DGKH: variants seen among roughly 807,000 people sequenced by gnomAD.
DGKH encodes the protein diacylglycerol kinase eta.
Under a neutral mutation model 159.3 loss-of-function variants are expected in DGKH, and 90 were observed. The observed-to-expected ratio is 0.57, with a 90% CI of 0.48 to 0.67. DGKH has a LOEUF of 0.67. Ranked by LOEUF, DGKH falls within the 30% of genes least tolerant of loss-of-function variation. The pLI, the probability that DGKH is intolerant of heterozygous loss-of-function variation, is 0.00. For missense variants in DGKH, 1,181 were observed against 1,506.1 expected (o/e 0.78, Z 3.57); for synonymous variants, 536 against 553.8 (o/e 0.97, Z 0.45).
chr13:42,147,733 G>A (rs1156628992), intron 3 of DGKH, among the ~76,000 whole-genome samples: 2 of 152,124 alleles, frequency 1.3e-5, no homozygotes, highest in South Asian at 2.1e-4. Flanking sequence ...AAGTCACTGT[G>A]ATCCCTGTAA....
Position 42,250,284 on chromosome 13 carries a change from T to TA in DGKH, n.4055-2113dup, listed in dbSNP as rs35902487. On this transcript the variant is annotated intron_variant and non_coding_transcript_variant, in intron 29 of 30. Coordinates refer to the DGKH transcript ENST00000498255. ...ACGACCGGCCACTCCAGCTCCTATT[T>TA]AAAAAAAAAAAAGTTTATAATTAAC... is the stretch of plus-strand genomic sequence containing the variant. Among the ~76,000 whole-genome samples the TA allele has an allele frequency of 3.0e-3, 438 of 145,396 alleles. 4 individuals are homozygous for TA. Among genetic ancestry groups the TA allele is most frequent in the African/African-American group, 8.8e-3 (352 of 39,858 alleles).
At chr13:42,161,039 T>A (rs977457897) in intron 7 of DGKH, among the ~76,000 whole-genome samples, 3 of 152,228 alleles carry the variant, frequency 2.0e-5, no homozygotes, top group African/African-American at 7.2e-5. Flanking sequence ...CTTCATTGAT[T>A]GCCTCTTTTA....
At chr13:42,184,073 C>T (rs564928407) in intron 13 of DGKH, among the ~76,000 whole-genome samples, 9 of 152,226 alleles carry the variant, frequency 5.9e-5, no homozygotes, top group South Asian at 2.1e-4. Flanking sequence ...TAGGCCAACC[C>T]GCCTCATTTA....
At chr13:42,107,015 G>T (rs1457240231) in intron 1 of DGKH, among the ~76,000 whole-genome samples, 1 of 152,214 alleles carries the variant, frequency 6.6e-6, no homozygotes, top group Non-Finnish European at 1.5e-5. Context: ...CTGCACTCCA[G>T]CCTGGGCGAC....
At chr13:42,214,015 A>G (rs1594219817) in intron 24 of DGKH, among the ~76,000 whole-genome samples, 1 of 152,208 alleles carries the variant, frequency 6.6e-6, no homozygotes, top group Admixed American at 6.5e-5. Context: ...GTCATCATCA[A>G]TAATATGGAG....
intron 2 of DGKH, 107 bp downstream of exon 2, chr13:42,127,680 C>G: frequency 1.3e-6 from 1 of 772,956 alleles, no homozygotes; most frequent in East Asian, 2.7e-5. Flanking sequence ...GCATTATGCT[C>G]TTATATGAAT....
At chr13:42,157,602 G>A (rs1956076647) in intron 5 of DGKH, among the ~76,000 whole-genome samples, 1 of 152,158 alleles carries the variant, frequency 6.6e-6, no homozygotes, top group Admixed American at 6.5e-5. Context: ...ACCACGCCCA[G>A]CCTCAAGTGA....
In DGKH at chr13:42,168,824, A is replaced by G; in HGVS notation, c.1367+6A>G. On this transcript the variant is annotated splice_donor_region_variant and intron_variant, in intron 11 of 29. Transcript: ENST00000337343. Reference sequence around the variant, plus strand: ...AGTACCAAAATGTTGGACAGGTAAAAGTAAATTCTTTTCTACAACTAGATG... The same window carrying G: ...AGTACCAAAATGTTGGACAGGTAAAGGTAAATTCTTTTCTACAACTAGATG... 6.2e-7 allele frequency: 1 copy of G among 1,606,102 alleles called. No individual in the cohort carries two copies. Among genetic ancestry groups the G allele is most frequent in the Non-Finnish European group, 8.5e-7 (1 of 1,175,466 alleles).
intron 1 of DGKH, among the ~76,000 whole-genome samples, chr13:42,091,817 G>A (rs635448): frequency 0.4 from 60,296 of 151,980 alleles, 12,560 homozygotes; most frequent in African/African-American, 0.51. Flanking sequence ...CAGGTATATG[G>A]AAAAATGCTC....
chr13:42,137,984 A>G, intron 3 of DGKH: 1 of 580,608 alleles, frequency 1.7e-6, no homozygotes, highest in Non-Finnish European at 2.2e-6. Flanking sequence ...ATAACAGAGA[A>G]CTTTCTAACT....
intron 3 of DGKH, chr13:42,153,731 GC>G (rs1468280158): frequency 6.6e-6 from 1 of 152,200 alleles, no homozygotes; most frequent in East Asian, 1.9e-4. Context: ...ATTGTTCTTT[GC>G]ATTAACTATT....
At chr13:42,086,710 A>G (rs1352608317) in intron 1 of DGKH, among the ~76,000 whole-genome samples, 1 of 152,228 alleles carries the variant, frequency 6.6e-6, no homozygotes, top group African/African-American at 2.4e-5. Flanking sequence ...CACAGGCAGG[A>G]CATGACAGTG....
Position 42,127,538 on chromosome 13 carries a change from C to T in DGKH, c.268C>T (p.Arg90Ter), listed in dbSNP as rs9566925. ...GTGGAAAAAGCGATACTTCAAACTT[C>T]GAGGCCGCACCCTTTACTATGCAAA... ...QRWKKRYFKL[R>*]GRTLYYAKDS... The change falls in exon 2 of 30, where the codon CGA becomes TGA. Residue 90 changes from arginine to a stop codon, truncating the protein, a stop_gained. Coordinates refer to ENST00000337343, the MANE Select transcript of DGKH (RefSeq NM_178009.5). LOFTEE classifies it high-confidence loss of function. 1.9e-6 allele frequency: 3 copies of T among 1,613,678 alleles called. No homozygotes were observed. Among genetic ancestry groups the T allele is most frequent in the East Asian group, 2.2e-5 (1 of 44,860 alleles).
rs1488000520 is a variant in DGKH, at chr13:42,241,531, C to CT, written c.*12344dup. The CT allele has an allele frequency of 6.6e-6, 1 of 152,216 alleles. No individual in the cohort carries two copies. Among genetic ancestry groups the CT allele is most frequent in the East Asian group, 1.9e-4 (1 of 5,204 alleles). The allele number at this position is 152,216 out of a possible 1,614,324, so 9.4% of individuals were successfully genotyped here. A position where few individuals can be genotyped will look rare whatever the true frequency, so the allele number is the denominator to read the frequency against. On this transcript the variant is annotated 3_prime_UTR_variant, in exon 30 of 30. Coordinates refer to ENST00000337343, the MANE Select transcript of DGKH (RefSeq NM_178009.5). ...ACAGCCGTACATGTGATCCCAGTGA[C>CT]TGATAGATCTGTAGAATGTGAACTC...
At chr13:42,067,998 C>T (rs1882705287) in intron 1 of DGKH, among the ~76,000 whole-genome samples, 1 of 152,024 alleles carries the variant, frequency 6.6e-6, no homozygotes, top group African/African-American at 2.4e-5. Context: ...AAAATAAACA[C>T]AATTAAGACT....
At chr13:42,198,638 GTTTTT>G in intron 18 of DGKH, 43 bp downstream of exon 18, 2 of 1,168,384 alleles carry the variant, frequency 1.7e-6, no homozygotes, top group Non-Finnish European at 2.4e-6. Context: ...GGTTTTTCTT[GTTTTT>G]TTTTTTTTTC....
chr13:42,078,745 A>T (rs1309217986), intron 1 of DGKH, among the ~76,000 whole-genome samples: 4 of 152,180 alleles, frequency 2.6e-5, no homozygotes, highest in Non-Finnish European at 5.9e-5. Flanking sequence ...GGGGTACTTC[A>T]TTCCAGACAT....
intron 7 of DGKH, among the ~76,000 whole-genome samples, chr13:42,162,957 A>G (rs983320805): frequency 2.7e-5 from 4 of 150,632 alleles, no homozygotes; most frequent in Non-Finnish European, 5.9e-5. Context: ...AGTGTGCTGC[A>G]CCCATTAACT....
At chr13:42,219,196 G>A (rs776953667) in intron 26 of DGKH, 34 bp from the exon 27 acceptor site, 8 of 1,611,792 alleles carry the variant, frequency 5.0e-6, no homozygotes, top group Admixed American at 1.7e-5. Context: ...ACTGAGTCTT[G>A]TTTTGTTTTG....
Sources: gnomAD v4.1 joint callset for allele counts (sites outside exome capture counted in the v4.1 genomes callset) on GRCh38, gnomAD v4.1.1 for gene constraint, MANE v1.5 for transcripts, NCBI Gene and HGNC (gene_info 2026-07-23, HGNC 2026-07-21) for gene names.